The following MANBA variants were observed in gnomAD, a reference collection of about 807,000 sequenced individuals.
MANBA encodes the protein beta-mannosidase.
MANBA carries 83 observed loss-of-function variants against 111.1 expected under a neutral mutation model. The observed-to-expected ratio is 0.75, with a 90% CI of 0.63 to 0.90. MANBA has a LOEUF of 0.90. Ranked by LOEUF, MANBA falls within the 40% of genes least tolerant of loss-of-function variation. The pLI is 0.00. For synonymous variants in MANBA, 370 were observed against 378.7 expected, an observed-to-expected ratio of 0.98 and a Z score of 0.27; for missense variants, 1,036 against 1,069.0, an observed-to-expected ratio of 0.97 and a Z score of 0.43.
chr4:102,632,264 T>C lies in MANBA; in HGVS notation c.2433A>G (p.Gln811=). 1.9e-6 allele frequency: 3 copies of C among 1,611,052 alleles called. No individual in the cohort carries two copies. Among genetic ancestry groups the C allele is most frequent in the Non-Finnish European group, 2.5e-6 (3 of 1,178,646 alleles). Residue 811 remains glutamine, a synonymous_variant, in exon 17 of 17, where the codon CAA becomes CAG. Coordinates refer to ENST00000647097, the MANE Select transcript of MANBA (RefSeq NM_005908.4). ...CCAGGTCAAAAACAAATATGTCACC[T>C]TGCTGAGAGATGATGGCCTGAAAAA... ...KAQITAIISQ[Q]GDIFVFDLET...
chr4:102,672,115 G>A (rs529908069), intron 8 of MANBA: 2 of 398,600 alleles, frequency 5.0e-6, no homozygotes, highest in South Asian at 2.5e-4. Flanking sequence ...CCGTGGCTGT[G>A]TCTGGAGAAG....
At chr4:102,634,559 A>C (rs1256618139) in intron 16 of MANBA, among the ~76,000 whole-genome samples, 2 of 152,232 alleles carry the variant, frequency 1.3e-5, no homozygotes, top group African/African-American at 4.8e-5. Flanking sequence ...AGGAGGGGTG[A>C]TGGGACAAAC....
At chr4:102,691,129 A>G (rs751009145) in intron 5 of MANBA, among the ~76,000 whole-genome samples, 12 of 152,252 alleles carry the variant, frequency 7.9e-5, no homozygotes, top group Non-Finnish European at 1.5e-4. Flanking sequence ...AAGTAAAAAT[A>G]CTTTATAAAG....
intron 4 of MANBA, among the ~76,000 whole-genome samples, chr4:102,721,100 G>T (rs916607129): frequency 9.2e-5 from 14 of 152,164 alleles, no homozygotes; most frequent in Admixed American, 9.2e-4. Context: ...GAGGCGGGTG[G>T]ATCACCTGAG....
intron 5 of MANBA, among the ~76,000 whole-genome samples, chr4:102,702,152 C>T (rs1326306125): frequency 2.4e-4 from 36 of 150,220 alleles, no homozygotes; most frequent in Admixed American, 1.1e-3. Context: ...TTGATCGCAT[C>T]GGCTCCTGAG....
At position 102,634,965 on chromosome 4, in the gene MANBA, A is replaced by G; in HGVS notation, c.2238T>C (p.Ala746=). ...ACACTGGCTCCTCATAAAGGCAGAC[A>G]GCCTCTCCTCCTTTCATCACAAAAC... The part of the protein sequence containing the change: ...TERFVMKGGE[A]VCLYEEPVSE... The change falls in exon 16 of 17, where the codon GCT becomes GCC. Residue 746 remains alanine (A), a synonymous_variant. Coordinates refer to ENST00000647097, the MANE Select transcript of MANBA (RefSeq NM_005908.4). The G allele has an allele frequency of 6.2e-7, 1 of 1,614,244 alleles. No homozygotes were observed. The highest frequency in any genetic ancestry group is 1.1e-5 in the South Asian group (1 of 91,090).
chr4:102,716,309 C>CAAAAAA (rs56345161), intron 4 of MANBA, among the ~76,000 whole-genome samples: 4 of 39,106 alleles, frequency 1.0e-4, no homozygotes, highest in East Asian at 9.7e-4. Flanking sequence ...AACTCAGTCT[C>CAAAAAA]AAAAAAAAAA....
intron 14 of MANBA, among the ~76,000 whole-genome samples, chr4:102,639,101 G>T (rs1729755036): frequency 6.6e-6 from 1 of 152,016 alleles, no homozygotes; most frequent in Non-Finnish European, 1.5e-5. Flanking sequence ...CGAACTGCAG[G>T]TTCCATGCCA....
At position 102,723,056 on chromosome 4, in the gene MANBA, A is replaced by G. The variant is rs1560798136; in HGVS notation, c.379-15T>C. On this transcript the variant is annotated splice_polypyrimidine_tract_variant and intron_variant, in intron 3 of 16. Transcript: ENST00000647097. ...ATATCAAAGCTCTAAGTTAAAGGGA[A>G]CAATCAGACAAACCCATGATGTGGA... 6.2e-7 allele frequency: 1 copy of G among 1,610,084 alleles called. No homozygotes were observed. The highest frequency in any genetic ancestry group is 1.7e-5 in the Admixed American group (1 of 59,688).
intron 5 of MANBA, among the ~76,000 whole-genome samples, chr4:102,705,222 G>A (rs1008994501): frequency 6.6e-6 from 1 of 152,174 alleles, no homozygotes; most frequent in Non-Finnish European, 1.5e-5. Context: ...ATGGACTCCT[G>A]CAATCCTAGC....
intron 7 of MANBA, among the ~76,000 whole-genome samples, chr4:102,675,102 G>A (rs1731669904): frequency 6.6e-6 from 1 of 152,208 alleles, no homozygotes; most frequent in African/African-American, 2.4e-5. Flanking sequence ...AATGCACAGT[G>A]ATTTTCAGAG....
intron 1 of MANBA, chr4:102,728,730 G>C: frequency 2.5e-6 from 2 of 797,832 alleles, no homozygotes; most frequent in Admixed American, 2.2e-5. Flanking sequence ...AGGCTGGGAG[G>C]GGCTGCCGCA....
intron 14 of MANBA, among the ~76,000 whole-genome samples, chr4:102,638,688 T>C (rs752961486): frequency 6.6e-6 from 1 of 152,162 alleles, no homozygotes; most frequent in African/African-American, 2.4e-5. Context: ...AGAAGGATTT[T>C]CCCCCCAATT....
intron 7 of MANBA, among the ~76,000 whole-genome samples, chr4:102,685,307 T>C (rs181990546): frequency 2.6e-5 from 4 of 152,266 alleles, no homozygotes; most frequent in African/African-American, 9.6e-5. Flanking sequence ...TATTTCACAA[T>C]AAATAAAAAA....
intron 11 of MANBA, among the ~76,000 whole-genome samples, chr4:102,660,478 T>C (rs1291994861): frequency 1.3e-5 from 2 of 152,130 alleles, no homozygotes; most frequent in Non-Finnish European, 2.9e-5. Context: ...AAAAAATTGT[T>C]AAAAGACAGA....
chr4:102,740,258 A>G lies in MANBA; in HGVS notation c.178-13575T>C, dbSNP rs565116300. Among the ~76,000 whole-genome samples, 5 of 152,324 alleles carry G rather than the reference A, an allele frequency of 3.3e-5. No individual in the cohort carries two copies. In the East Asian group the frequency reaches 9.6e-4, roughly 29 times the overall value. ...AACCAAGGACATGAAAGACCTCTACAAGGAAAACCATGAAACACTGCTAAA... is the reference window on the plus strand; with the variant it reads ...AACCAAGGACATGAAAGACCTCTACGAGGAAAACCATGAAACACTGCTAAA... On this transcript the variant is annotated intron_variant, in intron 1 of 16. Transcript: ENST00000647097.
chr4:102,657,946 G>T, intron 11 of MANBA, 46 bp from the exon 12 acceptor site: 1 of 1,304,588 alleles, frequency 7.7e-7, no homozygotes, highest in Non-Finnish European at 1.1e-6. Flanking sequence ...TATTCATCCT[G>T]TAAAGTATGT....
intron 5 of MANBA, among the ~76,000 whole-genome samples, chr4:102,696,055 C>G (rs1214599003): frequency 1.3e-5 from 2 of 151,982 alleles, no homozygotes; most frequent in African/African-American, 4.8e-5. Context: ...TAATGAGACC[C>G]CATCTCTAAA....
rs1723873487 is a variant in MANBA at position 102,753,215 on chromosome 4, G to A, written c.177+7503C>T. Among the ~76,000 whole-genome samples, 3 of 151,972 alleles carry A rather than the reference G, an allele frequency of 2.0e-5. No homozygotes were observed. The South Asian group carries it at 6.2e-4, about 32-fold the overall frequency. On this transcript the variant is annotated intron_variant, in intron 1 of 16. Coordinates refer to ENST00000647097, the MANE Select transcript of MANBA (RefSeq NM_005908.4). The stretch of plus-strand genomic sequence containing the variant: ...AGCTAATAAAACCACCTTAGGGGAT[G>A]ATTTCATTTTTATGTTATATTTGTC...
Sources: gnomAD v4.1 joint callset for allele counts (sites outside exome capture counted in the v4.1 genomes callset) on GRCh38, gnomAD v4.1.1 for gene constraint, MANE v1.5 for transcripts, NCBI Gene and HGNC (gene_info 2026-07-23, HGNC 2026-07-21) for gene names.